Variants in ADAM18 observed in about 807,000 individuals in gnomAD.
ADAM18 encodes ADAM metallopeptidase domain 18, also known as disintegrin and metalloproteinase domain-containing protein 18.
ADAM18 carries 117 observed loss-of-function variants against 94.4 expected under a neutral mutation model. The ratio of observed to expected loss-of-function variants is 1.24; its 90% CI spans 1.07 to 1.45. The LOEUF is 1.45. Among genes scored for constraint, ADAM18 ranks in the 40% most tolerant of loss-of-function variants. The pLI is 0.00. For synonymous variants in ADAM18, 327 were observed against 291.6 expected (o/e 1.12, Z -1.24); for missense variants, 936 against 880.0 (o/e 1.06, Z -0.81).
chr8:39,723,727 T>C (rs1198182840), intron 18 of ADAM18, 21 bp from the exon 19 acceptor site: 2 of 1,430,070 alleles, frequency 1.4e-6, no homozygotes, highest in African/African-American at 1.5e-5. Context: ...CCCACTAATT[T>C]ATCATATGAT....
rs776767157 is a variant in ADAM18, at chr8:39,609,123, A to T, written c.267+3A>T. On this transcript the variant is annotated splice_donor_region_variant and intron_variant, in intron 4 of 19. Transcript: ENST00000265707. ...ATTCTGTGTCTCCATATTTTATGGT[A>T]AAGTAAGATACCTTATTTTTTTTGT... 3.9e-6 allele frequency: 6 copies of T among 1,542,822 alleles called. No individual in the cohort carries two copies. In the Admixed American group the frequency reaches 1.1e-4, roughly 28 times the overall value.
chr8:39,692,232 C>G (rs1464770516), intron 16 of ADAM18, among the ~76,000 whole-genome samples: 1 of 151,646 alleles, frequency 6.6e-6, no homozygotes, highest in Non-Finnish European at 1.5e-5. Context: ...TTTGAGAAGA[C>G]AAGTCATTAA....
chr8:39,584,779 T>C (rs749623812), intron 1 of ADAM18, 102 bp downstream of exon 1: 160 of 1,334,066 alleles, frequency 1.2e-4, no homozygotes, highest in Non-Finnish European at 1.6e-4. Flanking sequence ...CCCCTCTCCC[T>C]TCTGGGATCC....
At chr8:39,639,752 A>T (rs572960634) in intron 10 of ADAM18, among the ~76,000 whole-genome samples, 3 of 152,178 alleles carry the variant, frequency 2.0e-5, no homozygotes, top group South Asian at 4.1e-4. Context: ...TAATAAAATC[A>T]TACATTGTTT....
Position 39,723,784 on chromosome 8 carries a change from G to A in ADAM18, c.2054G>A (p.Trp685Ter), listed in dbSNP as rs1487024545. ...FYTEKGYNTHWNNWFILSFCI... is the reference protein window; with the variant it reads ...FYTEKGYNTH Reference sequence around the variant, plus strand: ...ACTGAAAAAGGCTACAATACACACTGGAACAACTGGTTTATTCTGAGTTTC... The same window carrying A: ...ACTGAAAAAGGCTACAATACACACTAGAACAACTGGTTTATTCTGAGTTTC... Residue 685 changes from tryptophan (W) to a stop codon, truncating the protein, a stop_gained, in exon 19 of 20, where the codon TGG becomes TAG. Coordinates refer to ENST00000265707, the MANE Select transcript of ADAM18 (RefSeq NM_014237.3). LOFTEE classifies it high-confidence loss of function. 6.3e-7 allele frequency: 1 copy of A among 1,578,792 alleles called. No homozygotes were observed. Among genetic ancestry groups the A allele is most frequent in the Non-Finnish European group, 8.6e-7 (1 of 1,163,480 alleles).
At chr8:39,712,589 G>A (rs994189296) in intron 18 of ADAM18, among the ~76,000 whole-genome samples, 2 of 152,178 alleles carry the variant, frequency 1.3e-5, no homozygotes, top group Non-Finnish European at 2.9e-5. Flanking sequence ...AGCAATTTCA[G>A]CAAAGTCTCA....
At chr8:39,713,851 A>C (rs1039341829) in intron 18 of ADAM18, among the ~76,000 whole-genome samples, 1 of 152,206 alleles carries the variant, frequency 6.6e-6, no homozygotes, top group Non-Finnish European at 1.5e-5. Context: ...GGGAGCATAA[A>C]TTAGTTCAAC....
intron 6 of ADAM18, among the ~76,000 whole-genome samples, chr8:39,623,231 A>G (rs1349235144): frequency 1.3e-5 from 2 of 152,180 alleles, no homozygotes. Context: ...TGGTGTATAC[A>G]TTATCCACTC....
At chr8:39,723,629 G>GTTGCATTCC (rs1236223494) in intron 18 of ADAM18, 119 bp from the exon 19 acceptor site, 3 of 609,300 alleles carry the variant, frequency 4.9e-6, no homozygotes, top group Non-Finnish European at 7.5e-6. Flanking sequence ...ATTTTTCCTA[G>GTTGCATTCC]TAGTTTGCAA....
At chr8:39,655,559 T>C (rs1820661771) in intron 12 of ADAM18, among the ~76,000 whole-genome samples, 1 of 152,134 alleles carries the variant, frequency 6.6e-6, no homozygotes, top group South Asian at 2.1e-4. Flanking sequence ...ACATCATGCA[T>C]AACAGTTGTT....
intron 16 of ADAM18, among the ~76,000 whole-genome samples, chr8:39,681,483 T>C (rs1821457371): frequency 6.6e-6 from 1 of 152,238 alleles, no homozygotes; most frequent in Non-Finnish European, 1.5e-5. Context: ...AGTTGTGATA[T>C]AATAAATACG....
intron 17 of ADAM18, among the ~76,000 whole-genome samples, chr8:39,706,427 A>G (rs1477231991): frequency 2.0e-5 from 3 of 152,152 alleles, no homozygotes; most frequent in Non-Finnish European, 4.4e-5. Flanking sequence ...GAAAATGTCC[A>G]AATAGTGACA....
intron 14 of ADAM18, among the ~76,000 whole-genome samples, chr8:39,672,713 C>T (rs1410340035): frequency 6.6e-6 from 1 of 152,178 alleles, no homozygotes; most frequent in East Asian, 1.9e-4. Flanking sequence ...GTTAACTGTT[C>T]CTCTCATATG....
intron 6 of ADAM18, 29 bp downstream of exon 6, chr8:39,610,735 A>G (rs770651809): frequency 3.1e-6 from 5 of 1,592,048 alleles, no homozygotes; most frequent in Non-Finnish European, 4.3e-6. Context: ...ATGTTATGAC[A>G]TACTAGAACA....
In ADAM18 at chr8:39,585,324, C is replaced by G. The variant is rs1047599486; in HGVS notation, c.104C>G (p.Ser35Ter). 3.7e-6 allele frequency: 6 copies of G among 1,613,214 alleles called. No homozygotes were observed. The Admixed American group carries it at 8.3e-5, about 22-fold the overall frequency. ...GTCACAGTTCCACGGAAGATTAAGT[C>G]AAATGACAGTGAAGTTTCAGAGAGG... is the stretch of plus-strand genomic sequence containing the variant. ...LHVTVPRKIK[S>*]NDSEVSERKM... Residue 35 changes from serine to a stop codon, truncating the protein, a stop_gained, in exon 2 of 20, where the codon TCA (serine) becomes TGA (stop). Coordinates refer to ENST00000265707, the MANE Select transcript of ADAM18 (RefSeq NM_014237.3). LOFTEE classifies it high-confidence loss of function.
intron 18 of ADAM18, among the ~76,000 whole-genome samples, chr8:39,708,903 C>T (rs554854518): frequency 4.4e-4 from 67 of 152,306 alleles, no homozygotes; most frequent in African/African-American, 1.4e-3. Flanking sequence ...GCCCTGCGCC[C>T]GCATCTGGAG....
At chr8:39,586,614 C>T (rs1327884865) in intron 2 of ADAM18, among the ~76,000 whole-genome samples, 4 of 152,082 alleles carry the variant, frequency 2.6e-5, no homozygotes, top group Non-Finnish European at 4.4e-5. Flanking sequence ...GTAGTCCCAG[C>T]TGTTCTGGAG....
At chr8:39,634,156 T>C (rs1248702847) in intron 7 of ADAM18, among the ~76,000 whole-genome samples, 1 of 152,158 alleles carries the variant, frequency 6.6e-6, no homozygotes, top group Non-Finnish European at 1.5e-5. Context: ...TCTGCTGCCC[T>C]GGCTTTAGCT....
At chr8:39,590,129 T>C (rs1818528218) in intron 2 of ADAM18, among the ~76,000 whole-genome samples, 1 of 151,642 alleles carries the variant, frequency 6.6e-6, no homozygotes, top group Non-Finnish European at 1.5e-5. Context: ...TAAAGACACA[T>C]GCACACGTAT....
Sources: gnomAD v4.1 joint callset for allele counts (sites outside exome capture counted in the v4.1 genomes callset) on GRCh38, gnomAD v4.1.1 for gene constraint, MANE v1.5 for transcripts, NCBI Gene and HGNC (gene_info 2026-07-23, HGNC 2026-07-21) for gene names.